The following RBFOX1 variants were observed in gnomAD, a reference collection of about 807,000 sequenced individuals.
RBFOX1 encodes the protein RNA binding fox-1 homolog 1.
In RBFOX1, 8 loss-of-function variants were observed where a neutral mutation model predicts 57.7. The observed-to-expected ratio is 0.14, with a 90% CI of 0.08 to 0.25. The LOEUF (loss-of-function observed/expected upper bound fraction) is 0.25, where lower values mean the gene tolerates loss of function less well. RBFOX1 is among the 10% of genes least tolerant of loss of function. RBFOX1 has a pLI of 1.00. For synonymous variants in RBFOX1, 326 were observed against 222.4 expected (o/e 1.47, Z -4.15); for missense variants, 611 against 548.5 (o/e 1.11, Z -1.14).
At chr16:6,101,154 C>A (rs1322941433) in intron 1 of RBFOX1, among the ~76,000 whole-genome samples, 2 of 152,206 alleles carry the variant, frequency 1.3e-5, no homozygotes, top group East Asian at 1.9e-4. Flanking sequence ...AAGGCTGTTA[C>A]AAGCTTTCAA....
chr16:6,239,133 A>C lies in RBFOX1; in HGVS notation c.-126-77862A>C, dbSNP rs184170677. On this transcript the variant is annotated intron_variant, in intron 1 of 15. Transcript: ENST00000550418. ...AAAGCCCACCCCATTCCCACAGCAT[A>C]CACTGTCCACCATCATGTCGCTTAT... 6.8e-4 allele frequency among the ~76,000 whole-genome samples: 104 copies of C among 152,294 alleles called. 1 individual carries two copies. The highest frequency in any genetic ancestry group is 1.4e-3 in the Admixed American group (22 of 15,290).
At chr16:5,739,495 A>G (rs1305799370) in intron 3 of RBFOX1, among the ~76,000 whole-genome samples, 1 of 152,244 alleles carries the variant, frequency 6.6e-6, no homozygotes, top group Non-Finnish European at 1.5e-5. Context: ...AAAAGAAAGC[A>G]TAAGAGTACT....
At chr16:6,860,599 G>A (rs1349774674) in intron 3 of RBFOX1, among the ~76,000 whole-genome samples, 1 of 152,098 alleles carries the variant, frequency 6.6e-6, no homozygotes, top group African/African-American at 2.4e-5. Flanking sequence ...ATTCATTGTG[G>A]CATCCAAGCA....
chr16:5,247,673 T>C (rs1005474178), intron 1 of RBFOX1, among the ~76,000 whole-genome samples: 2 of 152,184 alleles, frequency 1.3e-5, no homozygotes, highest in African/African-American at 4.8e-5. Flanking sequence ...TCCTGCTACA[T>C]TGGAGAGTTG....
chr16:7,348,397 A>AT (rs377195906), intron 4 of RBFOX1, among the ~76,000 whole-genome samples: 53 of 148,776 alleles, frequency 3.6e-4, no homozygotes, highest in Admixed American at 5.4e-4. Context: ...AAATTAATGA[A>AT]TTTTTTTTTT....
At chr16:6,720,475 C>T (rs916718283) in intron 3 of RBFOX1, among the ~76,000 whole-genome samples, 4 of 152,230 alleles carry the variant, frequency 2.6e-5, no homozygotes, top group Admixed American at 6.5e-5. Context: ...GACTCATACA[C>T]GACCTATGTG....
intron 4 of RBFOX1, among the ~76,000 whole-genome samples, chr16:7,065,437 A>G (rs2055738915): frequency 6.6e-6 from 1 of 152,050 alleles, no homozygotes; most frequent in African/African-American, 2.4e-5. Flanking sequence ...CACATGCTCC[A>G]TGGTTTTGCA....
intron 1 of RBFOX1, among the ~76,000 whole-genome samples, chr16:5,301,127 C>T (rs1035535503): frequency 9.9e-5 from 15 of 152,136 alleles, no homozygotes; most frequent in Admixed American, 6.5e-5. Context: ...ATGTTACCTT[C>T]GAGACCAGTT....
intron 2 of RBFOX1, among the ~76,000 whole-genome samples, chr16:6,353,659 C>T (rs1041211545): frequency 6.6e-6 from 1 of 152,004 alleles, no homozygotes; most frequent in Non-Finnish European, 1.5e-5. Context: ...ATCTAAGGAC[C>T]CTCGATGTCC....
intron 4 of RBFOX1, among the ~76,000 whole-genome samples, chr16:7,382,737 G>T (rs1285489106): frequency 6.6e-6 from 1 of 152,232 alleles, no homozygotes; most frequent in East Asian, 1.9e-4. Flanking sequence ...CTATTTGTAT[G>T]TACGTTCCAA....
chr16:6,383,735 A>C (rs1448078036), intron 2 of RBFOX1, among the ~76,000 whole-genome samples: 2 of 151,894 alleles, frequency 1.3e-5, no homozygotes, highest in Non-Finnish European at 2.9e-5. Context: ...GCACCACTGC[A>C]CTCCAGCCTG....
chr16:7,309,001 G>C (rs1371929717), intron 4 of RBFOX1, among the ~76,000 whole-genome samples: 2 of 152,138 alleles, frequency 1.3e-5, no homozygotes, highest in African/African-American at 2.4e-5. Context: ...CTATGGATTG[G>C]GGGTGGTCGA....
At chr16:7,624,946 G>A (rs959011743) in intron 10 of RBFOX1, among the ~76,000 whole-genome samples, 102 of 152,140 alleles carry the variant, frequency 6.7e-4, no homozygotes, top group African/African-American at 2.3e-3. Flanking sequence ...GGCAAGAAAG[G>A]AGGAAGAAAG....
At chr16:6,084,829 C>T in intron 1 of RBFOX1, among the ~76,000 whole-genome samples, 1 of 151,922 alleles carries the variant, frequency 6.6e-6, no homozygotes, top group East Asian at 1.9e-4. Flanking sequence ...AGTCTGAGAC[C>T]CTGAGTGATT....
At chr16:6,893,071 A>G (rs887372851) in intron 3 of RBFOX1, among the ~76,000 whole-genome samples, 3 of 152,174 alleles carry the variant, frequency 2.0e-5, no homozygotes, top group African/African-American at 7.2e-5. Flanking sequence ...CAGAACTTGT[A>G]AAAGACTGCC....
intron 4 of RBFOX1, among the ~76,000 whole-genome samples, chr16:7,149,464 T>C (rs1567462203): frequency 2.0e-5 from 3 of 149,018 alleles, no homozygotes; most frequent in Non-Finnish European, 4.4e-5. Flanking sequence ...TGGCTCTTTC[T>C]TTTTCTTTTC....
intron 4 of RBFOX1, among the ~76,000 whole-genome samples, chr16:7,325,767 A>G (rs1030082937): frequency 2.0e-5 from 3 of 152,178 alleles, no homozygotes; most frequent in African/African-American, 4.8e-5. Flanking sequence ...TGTCACATTG[A>G]CAACCCTTTT....
intron 3 of RBFOX1, among the ~76,000 whole-genome samples, chr16:5,801,380 GTC>G (rs2055051834): frequency 2.4e-5 from 3 of 125,520 alleles, no homozygotes; most frequent in African/African-American, 9.2e-5. Context: ...GGGTAAAATT[GTC>G]TGCATTAAAA....
chr16:7,329,691 A>G (rs536776460), intron 4 of RBFOX1, among the ~76,000 whole-genome samples: 76 of 152,330 alleles, frequency 5.0e-4, no homozygotes, highest in Middle Eastern at 3.4e-3. Flanking sequence ...CAGAGAATGT[A>G]TGAGTAATGG....
Sources: allele counts gnomAD v4.1 joint callset (sites outside exome capture counted in the v4.1 genomes callset), GRCh38; gene constraint gnomAD v4.1.1; transcripts MANE v1.5; gene names NCBI Gene and HGNC (gene_info 2026-07-23, HGNC 2026-07-21).